GOLGA3: variants seen among roughly 807,000 people sequenced by gnomAD.
GOLGA3 encodes the protein golgin A3, also known as golgin subfamily A member 3.
Under a neutral mutation model 169.4 loss-of-function variants are expected in GOLGA3, and 75 were observed. The observed-to-expected ratio is 0.44, with a 90% confidence interval of 0.37 to 0.54. The LOEUF is 0.54. Among genes scored for constraint, GOLGA3 ranks in the 20% least tolerant of loss-of-function variants. GOLGA3 has a pLI of 0.00. For synonymous variants in GOLGA3, 824 were observed against 822.4 expected (o/e 1.00, Z -0.03); for missense variants, 1,899 against 1,930.0 (o/e 0.98, Z 0.30).
At chr12:132,820,124 C>T (rs1036984991) in intron 2 of GOLGA3, among the ~76,000 whole-genome samples, 5 of 151,844 alleles carry the variant, frequency 3.3e-5, no homozygotes, top group Admixed American at 6.6e-5. Flanking sequence ...TGCCATGAGC[C>T]GAGATCGCAC....
intron 11 of GOLGA3, among the ~76,000 whole-genome samples, chr12:132,792,031 G>T: frequency 6.6e-6 from 1 of 151,058 alleles, no homozygotes; most frequent in Non-Finnish European, 1.5e-5. Flanking sequence ...TACACTGAGG[G>T]CTACAGCAGG....
rs1426829019 is a variant in GOLGA3 at position 132,808,306 on chromosome 12, T to C, written c.763A>G (p.Asn255Asp). ...SLADYRTEDS[N>D]AGNSGGNVPA... ...ACATTTCCCCCAGAATTCCCCGCAT[T>C]TGAATCTTCAGTTCTGTAATCGGCC... The change falls in exon 5 of 24, where the codon AAT becomes GAT. Residue 255 changes from asparagine (N) to aspartate (D), a missense_variant. Transcript: ENST00000450791. The C allele has an allele frequency of 1.2e-5, 20 of 1,614,154 alleles. No homozygotes were observed. The highest frequency in any genetic ancestry group is 1.6e-5 in the Non-Finnish European group (19 of 1,180,024).
In GOLGA3 at chr12:132,777,551, A is replaced by G; in HGVS notation, c.3722+115T>C. 1 of 1,156,022 alleles carries G rather than the reference A, an allele frequency of 8.7e-7. No homozygotes were observed. The highest frequency in any genetic ancestry group is 1.4e-5 in the South Asian group (1 of 69,360). The allele number at this position is 1,156,022 out of a possible 1,614,324, so 71.6% of individuals were successfully genotyped here. ...GCCTTCTACTCCTATGATTCACTCA[A>G]GTACTCGGCAATTTGCAAAATATAG... On this transcript the variant is annotated intron_variant, in intron 19 of 23. Transcript: ENST00000450791. The surrounding 1 kb of genome is among the most constrained non-coding windows in gnomAD (Gnocchi z 4.7).
chr12:132,815,252 G>A (rs574687659), intron 3 of GOLGA3, among the ~76,000 whole-genome samples: 2 of 152,254 alleles, frequency 1.3e-5, no homozygotes, highest in East Asian at 1.9e-4. Context: ...TATATAAGTC[G>A]GCAAAATAAG....
In GOLGA3 at chr12:132,771,616, G is replaced by T. The variant is rs2044899413; in HGVS notation, c.*1489C>A. 6.6e-6 allele frequency: 1 copy of T among 152,074 alleles called. No homozygotes were observed. Among genetic ancestry groups the T allele is most frequent in the Admixed American group, 6.6e-5 (1 of 15,264 alleles). 9.4% of individuals were successfully genotyped at this position (152,074 alleles called of 1,614,324 possible). ...TCACGGTGCCTGCCTGTCTCTTCCG[G>T]AAGTCGCCTCTGCTTGCCACATGAT... On this transcript the variant is annotated 3_prime_UTR_variant, in exon 24 of 24. Coordinates refer to ENST00000450791, the MANE Select transcript of GOLGA3 (RefSeq NM_001389683.1).
At chr12:132,825,646 AG>A in intron 1 of GOLGA3, 1 of 764,690 alleles carries the variant, frequency 1.3e-6, no homozygotes, top group Non-Finnish European at 2.4e-6. Flanking sequence ...AGTTCCAATG[AG>A]GGAGTCCAGG....
chr12:132,798,805 G>A (rs887255666), intron 8 of GOLGA3, among the ~76,000 whole-genome samples: 6 of 152,136 alleles, frequency 3.9e-5, no homozygotes, highest in African/African-American at 1.4e-4. Context: ...GGGCATCTCT[G>A]AGCCCCTGTA....
rs1949970242 is a variant in GOLGA3, at chr12:132,816,611, G to A, written c.335C>T (p.Ala112Val). 6.2e-7 allele frequency: 1 copy of A among 1,614,064 alleles called. No homozygotes were observed. Among genetic ancestry groups the A allele is most frequent in the East Asian group, 2.2e-5 (1 of 44,888 alleles). The change falls in exon 3 of 24, where the codon GCT becomes GTT. Residue 112 changes from alanine to valine, a missense_variant. Coordinates refer to ENST00000450791, the MANE Select transcript of GOLGA3 (RefSeq NM_001389683.1). ...AGCTTCTTTTCTAACACTGCCCTCA[G>A]CACTAGTTCCCTGAGACTTCCTTAG... Reference protein sequence around the residue: ...DNLRKSQGTSAEGSVRKEALQ... With the variant: ...DNLRKSQGTSVEGSVRKEALQ...
chr12:132,819,905 C>G (rs889548077), intron 2 of GOLGA3, among the ~76,000 whole-genome samples: 1 of 152,200 alleles, frequency 6.6e-6, no homozygotes, highest in Non-Finnish European at 1.5e-5. Context: ...GGCAACAGGG[C>G]GCGGTGGCTC....
At chr12:132,795,241 G>A (rs1000312072) in intron 11 of GOLGA3, among the ~76,000 whole-genome samples, 15 of 151,290 alleles carry the variant, frequency 9.9e-5, no homozygotes, top group East Asian at 2.0e-4. Context: ...CCTGTAATCC[G>A]AGCACTGTGG....
At position 132,804,855 on chromosome 12, in the gene GOLGA3, G is replaced by T. The variant is rs753165074; in HGVS notation, c.1458C>A (p.Asp486Glu). The change falls in exon 7 of 24, where the codon GAC (aspartate) becomes GAA (glutamate). Residue 486 changes from aspartate to glutamate, a missense_variant. Coordinates refer to ENST00000450791, the MANE Select transcript of GOLGA3 (RefSeq NM_001389683.1). This position sits in a 1 kb window ranked among gnomAD's most constrained non-coding sequence, Gnocchi z 4.1. ...TTTTTGCCTCCAGCATGTTCTGCAG[G>T]TCAGTCATGGCTCGCTCCAGGTCCC... ...SCWDLERAMT[D>E]LQNMLEAKNA... 3.7e-6 allele frequency: 6 copies of T among 1,614,062 alleles called. No individual in the cohort carries two copies. Among genetic ancestry groups the T allele is most frequent in the African/African-American group, 1.3e-5 (1 of 74,944 alleles).
chr12:132,807,941 C>A lies in GOLGA3; in HGVS notation c.1128G>T (p.Gly376=). 1 of 1,613,026 alleles carries A rather than the reference C, an allele frequency of 6.2e-7. No homozygotes were observed. The highest frequency in any genetic ancestry group is 1.1e-5 in the South Asian group (1 of 91,024). Residue 376 remains glycine, a synonymous_variant, in exon 5 of 24, where the codon GGG becomes GGT. Transcript: ENST00000450791. ...QAAAAEHQDQ[G]QEVNGEVRSR... ...TCCGCACCTCCCCGTTGACCTCCTG[C>A]CCCTGGTCTTGGTGCTCAGCGGCTG...
intron 16 of GOLGA3, among the ~76,000 whole-genome samples, chr12:132,783,579 T>C (rs1352353977): frequency 6.6e-6 from 1 of 151,764 alleles, no homozygotes. Context: ...CTGAGATATC[T>C]GACGTTTTTC....
At chr12:132,780,056 T>TAC (rs563509848) in intron 18 of GOLGA3, among the ~76,000 whole-genome samples, 1 of 90,060 alleles carries the variant, frequency 1.1e-5, no homozygotes, top group Non-Finnish European at 2.1e-5. Context: ...CCCGCGCACA[T>TAC]ACACACACAC....
intron 1 of GOLGA3, 38 bp downstream of exon 1, chr12:132,828,765 C>A (rs1402541041): frequency 1.3e-5 from 2 of 151,900 alleles, no homozygotes; most frequent in Non-Finnish European, 2.9e-5. Flanking sequence ...GGAGCGGGAG[C>A]CCGAGCCCCG....
Position 132,771,065 on chromosome 12 carries a change from AAGT to A in GOLGA3, c.*2037_*2039del, listed in dbSNP as rs1451704236. ...AATAACATCTTCAACTTAAGATAAA[AAGT>A]AGGATATATTTATAATGAAATTTTC... On this transcript the variant is annotated 3_prime_UTR_variant, in exon 24 of 24. Transcript: ENST00000450791. 7.9e-5 allele frequency: 12 copies of A among 152,674 alleles called. No individual in the cohort carries two copies. Among genetic ancestry groups the A allele is most frequent in the Non-Finnish European group, 1.6e-4 (11 of 68,048 alleles). 9.5% of individuals were successfully genotyped at this position (152,674 alleles called of 1,614,324 possible).
Position 132,782,538 on chromosome 12 carries a change from T to C in GOLGA3, c.3268-45A>G, listed in dbSNP as rs746165298. ...CTGTAAAATTACCTGCACTGGTGAG[T>C]GGAGTTCACATACCCCAGAAACAGG... On this transcript the variant is annotated intron_variant, in intron 16 of 23. Coordinates refer to ENST00000450791, the MANE Select transcript of GOLGA3 (RefSeq NM_001389683.1). 9.7e-6 allele frequency: 14 copies of C among 1,449,730 alleles called. No individual in the cohort carries two copies. In the South Asian group the frequency reaches 1.6e-4, roughly 17 times the overall value. The allele number at this position is 1,449,730 out of a possible 1,614,324, so 89.8% of individuals were successfully genotyped here. A position where few individuals can be genotyped will look rare whatever the true frequency, so the allele number is the denominator to read the frequency against.
At chr12:132,814,880 G>A (rs570843768) in intron 3 of GOLGA3, among the ~76,000 whole-genome samples, 4 of 152,350 alleles carry the variant, frequency 2.6e-5, no homozygotes, top group African/African-American at 9.6e-5. Flanking sequence ...GTGCCAACGT[G>A]TTATAGTTAC....
chr12:132,802,632 G>C (rs1293165020), intron 7 of GOLGA3, among the ~76,000 whole-genome samples: 1 of 151,600 alleles, frequency 6.6e-6, no homozygotes, highest in Non-Finnish European at 1.5e-5. Flanking sequence ...AAAGACAAAT[G>C]AATTTTTAAA....
Sources: allele counts gnomAD v4.1 joint callset (sites outside exome capture counted in the v4.1 genomes callset), GRCh38; gene constraint gnomAD v4.1.1; non-coding constraint Gnocchi (gnomAD v3.1); transcripts MANE v1.5; gene names NCBI Gene and HGNC (gene_info 2026-07-23, HGNC 2026-07-21).